Variants in KAZN observed in about 807,000 individuals in gnomAD.
KAZN encodes the protein kazrin, periplakin interacting protein.
KAZN carries 40 observed loss-of-function variants against 87.4 expected under a neutral mutation model. The observed-to-expected ratio is 0.46, with a 90% CI of 0.36 to 0.60. The LOEUF (loss-of-function observed/expected upper bound fraction) is 0.60, where lower values mean the gene tolerates loss of function less well. Ranked by LOEUF, KAZN falls within the 20% of genes least tolerant of loss-of-function variation. KAZN has a pLI of 0.00. For synonymous variants in KAZN, 466 were observed against 458.3 expected, an observed-to-expected ratio of 1.02 and a Z score of -0.22; for missense variants, 898 against 1,073.9, an observed-to-expected ratio of 0.84 and a Z score of 2.29.
At chr1:15,059,467 C>T (rs568688254) in intron 5 of KAZN, among the ~76,000 whole-genome samples, 1 of 152,258 alleles carries the variant, frequency 6.6e-6, no homozygotes, top group East Asian at 1.9e-4. Flanking sequence ...CAGGCCACCT[C>T]GGAGGCCAGG....
At chr1:14,792,581 C>T (rs1645707114) in intron 1 of KAZN, among the ~76,000 whole-genome samples, 1 of 152,056 alleles carries the variant, frequency 6.6e-6, no homozygotes, top group African/African-American at 2.4e-5. Flanking sequence ...CATGAGGAAA[C>T]AATCGGTGCA....
At chr1:14,430,582 A>G (rs563187760) in intron 2 of KAZN, among the ~76,000 whole-genome samples, 23 of 152,316 alleles carry the variant, frequency 1.5e-4, no homozygotes, top group Admixed American at 2.0e-4. Flanking sequence ...CCAGCATCAC[A>G]ATAATGAATA....
chr1:14,775,728 C>T lies in KAZN; in HGVS notation c.226+176505C>T, dbSNP rs1645156756. 2.0e-5 allele frequency among the ~76,000 whole-genome samples: 3 copies of T among 152,376 alleles called. No homozygotes were observed. In the South Asian group the frequency reaches 6.2e-4, roughly 32 times the overall value. On this transcript the variant is annotated intron_variant, in intron 1 of 14. Transcript: ENST00000376030. ...TTAGCCTTAGGCTCATAGCATCTAT[C>T]TTGAAGCAGGAGAAAGGGGCAGGTG...
intron 7 of KAZN, among the ~76,000 whole-genome samples, chr1:15,065,073 C>T (rs1291904936): frequency 1.4e-4 from 20 of 140,504 alleles, no homozygotes; most frequent in African/African-American, 5.6e-4. Flanking sequence ...ACTCTGTCGC[C>T]CAGGCTGCAG....
intron 1 of KAZN, among the ~76,000 whole-genome samples, chr1:14,175,126 T>C (rs1039564193): frequency 6.6e-6 from 1 of 152,158 alleles, no homozygotes; most frequent in Non-Finnish European, 1.5e-5. Flanking sequence ...GTTTTTGAAA[T>C]GGAATCTCAC....
chr1:14,383,003 T>C (rs1661512650), intron 2 of KAZN, among the ~76,000 whole-genome samples: 1 of 150,790 alleles, frequency 6.6e-6, no homozygotes. Flanking sequence ...TTTTTAATGA[T>C]TGCCATTCTA....
In KAZN at chr1:14,781,278, C is replaced by T. The variant is rs138763273; in HGVS notation, c.227-179406C>T. Among the ~76,000 whole-genome samples, 1,298 of 152,304 alleles carry T rather than the reference C, an allele frequency of 8.5e-3. 19 individuals carry two copies. The highest frequency in any genetic ancestry group is 0.029 in the African/African-American group (1,210 of 41,564). On this transcript the variant is annotated intron_variant, in intron 1 of 14. Coordinates refer to ENST00000376030, the MANE Select transcript of KAZN (RefSeq NM_201628.3). ...CGGAGCTTGCAGTGAGCCGAGATCG[C>T]GCCACTGCGCTCCAACCTGGGCAAC...
At chr1:14,350,677 C>T (rs1658471447) in intron 2 of KAZN, among the ~76,000 whole-genome samples, 1 of 152,234 alleles carries the variant, frequency 6.6e-6, no homozygotes, top group Non-Finnish European at 1.5e-5. Flanking sequence ...GTGGAAGTGG[C>T]AGAGACCTAG....
intron 2 of KAZN, among the ~76,000 whole-genome samples, chr1:14,234,629 C>A (rs1648224838): frequency 6.6e-6 from 1 of 152,018 alleles, no homozygotes; most frequent in South Asian, 2.1e-4. Context: ...ACATGAAGAT[C>A]TGTGCAAGGT....
intron 2 of KAZN, among the ~76,000 whole-genome samples, chr1:14,416,996 G>A: frequency 9.4e-6 from 1 of 106,614 alleles, no homozygotes; most frequent in East Asian, 2.9e-4. Context: ...ATATATGTGT[G>A]TATGTATATA....
At chr1:14,477,908 G>C (rs562377448) in intron 2 of KAZN, among the ~76,000 whole-genome samples, 24 of 152,258 alleles carry the variant, frequency 1.6e-4, no homozygotes, top group African/African-American at 5.5e-4. Flanking sequence ...GGAGTACTTT[G>C]AGGCATGGTT....
chr1:14,674,566 C>A (rs930000972), intron 1 of KAZN, among the ~76,000 whole-genome samples: 1 of 152,184 alleles, frequency 6.6e-6, no homozygotes, highest in Non-Finnish European at 1.5e-5. Context: ...TTGCCACTCA[C>A]CAGGACGAGT....
intron 1 of KAZN, among the ~76,000 whole-genome samples, chr1:14,174,815 C>G (rs1166567446): frequency 3.3e-5 from 5 of 152,144 alleles, no homozygotes; most frequent in Non-Finnish European, 7.3e-5. Context: ...TACTGTGACA[C>G]GTGCTTTATA....
At position 14,599,031 on chromosome 1, in the gene KAZN, A is replaced by G. The variant is rs747991679; in HGVS notation, c.34A>G (p.Ile12Val). 6.4e-6 allele frequency: 10 copies of G among 1,570,082 alleles called. No homozygotes were observed. The highest frequency in any genetic ancestry group is 1.9e-5 in the Admixed American group (1 of 53,054). The change falls in exon 1 of 15, where the codon ATC becomes GTC. Residue 12 changes from isoleucine to valine, a missense_variant. By Grantham distance (29) the Ile-to-Val change is conservative. Transcript: ENST00000376030. This position sits in a 1 kb window ranked among gnomAD's most constrained non-coding sequence, Gnocchi z 4.4. ...MEDNKQLALR[I>V]DGAVQSASQE... ...AGACAATAAGCAGCTCGCGCTCCGC[A>G]TCGATGGGGCGGTCCAGTCGGCCAG...
intron 2 of KAZN, among the ~76,000 whole-genome samples, chr1:14,971,063 C>G: frequency 6.6e-6 from 1 of 152,172 alleles, no homozygotes; most frequent in Non-Finnish European, 1.5e-5. Flanking sequence ...GTAGTGTTAG[C>G]CTCAGTTTCC....
intron 1 of KAZN, among the ~76,000 whole-genome samples, chr1:14,042,371 A>G (rs777110134): frequency 5.3e-5 from 8 of 152,182 alleles, no homozygotes; most frequent in Non-Finnish European, 7.3e-5. Flanking sequence ...CTATGAGTCC[A>G]ACAGCTTCTC....
chr1:14,718,647 A>C (rs1407818549), intron 1 of KAZN, among the ~76,000 whole-genome samples: 1 of 152,156 alleles, frequency 6.6e-6, no homozygotes, highest in African/African-American at 2.4e-5. Flanking sequence ...CTTGGTCTTC[A>C]AGCTGTAGGT....
At chr1:14,779,852 A>G (rs1291801466) in intron 1 of KAZN, among the ~76,000 whole-genome samples, 1 of 152,206 alleles carries the variant, frequency 6.6e-6, no homozygotes, top group African/African-American at 2.4e-5. Context: ...CAAGACACAA[A>G]AAGTTGACTC....
intron 2 of KAZN, among the ~76,000 whole-genome samples, chr1:14,369,880 A>C (rs1438618830): frequency 1.3e-5 from 2 of 152,230 alleles, no homozygotes; most frequent in Non-Finnish European, 2.9e-5. Flanking sequence ...GATGGTGCTT[A>C]GTCTAAGTCA....
Sources: allele counts gnomAD v4.1 joint callset (sites outside exome capture counted in the v4.1 genomes callset), GRCh38; gene constraint gnomAD v4.1.1; non-coding constraint Gnocchi (gnomAD v3.1); transcripts MANE v1.5; gene names NCBI Gene and HGNC (gene_info 2026-07-23, HGNC 2026-07-21).